Variants in GRIN2B observed in about 807,000 individuals in gnomAD.
The protein encoded by GRIN2B is glutamate receptor ionotropic, NMDA 2B.
A neutral mutation model predicts 114.5 loss-of-function variants in GRIN2B; 5 were observed. The ratio of observed to expected loss-of-function variants is 0.04; its 90% confidence interval spans 0.02 to 0.09. The LOEUF (loss-of-function observed/expected upper bound fraction) is 0.09. Among genes scored for constraint, GRIN2B ranks in the 10% least tolerant of loss-of-function variants. GRIN2B has a pLI of 1.00. For missense variants in GRIN2B, 1,108 were observed against 1,943.5 expected, an observed-to-expected ratio of 0.57 and a Z score of 8.08; for synonymous variants, 787 against 745.1, an observed-to-expected ratio of 1.06 and a Z score of -0.92.
At chr12:13,973,006 T>C (rs1381695647) in intron 2 of GRIN2B, among the ~76,000 whole-genome samples, 1 of 152,194 alleles carries the variant, frequency 6.6e-6, no homozygotes, top group East Asian at 1.9e-4. Flanking sequence ...CTATGGCATC[T>C]GTGTGACCAG....
intron 10 of GRIN2B, among the ~76,000 whole-genome samples, chr12:13,594,497 G>A (rs947131254): frequency 6.6e-6 from 1 of 151,682 alleles, no homozygotes; most frequent in African/African-American, 2.4e-5. Flanking sequence ...ACACAGGGAG[G>A]GGAACATCAC....
At chr12:13,760,295 G>A (rs1048914584) in intron 3 of GRIN2B, among the ~76,000 whole-genome samples, 2 of 152,176 alleles carry the variant, frequency 1.3e-5, no homozygotes, top group African/African-American at 4.8e-5. Context: ...TGGAATTGAG[G>A]TCTGGCCCAT....
chr12:13,926,677 G>A (rs1031873308), intron 2 of GRIN2B, among the ~76,000 whole-genome samples: 1 of 152,178 alleles, frequency 6.6e-6, no homozygotes, highest in Admixed American at 6.5e-5. Context: ...TTTGTGGCCG[G>A]GTGTGGTGGC....
At chr12:13,694,696 TATATATAA>T (rs1950245392) in intron 4 of GRIN2B, among the ~76,000 whole-genome samples, 1 of 117,076 alleles carries the variant, frequency 8.5e-6, no homozygotes, top group East Asian at 2.5e-4. Context: ...TATATATATA[TATATATAA>T]ATTAATTAAT....
At chr12:13,653,739 G>A (rs1949839226) in intron 5 of GRIN2B, among the ~76,000 whole-genome samples, 1 of 152,048 alleles carries the variant, frequency 6.6e-6, no homozygotes, top group South Asian at 2.1e-4. Context: ...TAACTCAGTA[G>A]GCGACTTTCA....
At chr12:13,867,875 T>C (rs1303676653) in intron 2 of GRIN2B, among the ~76,000 whole-genome samples, 1 of 149,216 alleles carries the variant, frequency 6.7e-6, no homozygotes, top group Non-Finnish European at 1.5e-5. Context: ...AAATGCTGCT[T>C]CAGATCTCCT....
At chr12:13,877,122 T>C (rs1240738326) in intron 2 of GRIN2B, among the ~76,000 whole-genome samples, 1 of 152,242 alleles carries the variant, frequency 6.6e-6, no homozygotes, top group Non-Finnish European at 1.5e-5. Context: ...TGTAAATCAA[T>C]GTTTATATGA....
Position 13,807,926 on chromosome 12 carries a change from A to G in GRIN2B, c.412-54011T>C, listed in dbSNP as rs577262959. Among the ~76,000 whole-genome samples, 13 of 152,216 alleles carry G rather than the reference A, an allele frequency of 8.5e-5. No individual in the cohort carries two copies. In the East Asian group the frequency reaches 2.3e-3, roughly 27 times the overall value. On this transcript the variant is annotated intron_variant, in intron 3 of 13. Coordinates refer to ENST00000609686, the MANE Select transcript of GRIN2B (RefSeq NM_000834.5). ...GGGAAGTTTAAGCAGCAGTAGAAAG[A>G]TAATCCATAATCTGTTATGCTTTTA...
At chr12:13,731,507 A>G (rs976667143) in intron 4 of GRIN2B, among the ~76,000 whole-genome samples, 17 of 152,158 alleles carry the variant, frequency 1.1e-4, no homozygotes, top group Admixed American at 6.6e-4. Flanking sequence ...AGGCTGAGGC[A>G]GGAGAATGGC....
intron 2 of GRIN2B, among the ~76,000 whole-genome samples, chr12:13,909,128 C>T (rs927176795): frequency 2.0e-5 from 3 of 152,182 alleles, no homozygotes; most frequent in Admixed American, 6.5e-5. Context: ...CAATGATCCT[C>T]GGACAGCACA....
intron 2 of GRIN2B, among the ~76,000 whole-genome samples, chr12:13,935,605 C>T (rs950109483): frequency 3.9e-5 from 6 of 152,094 alleles, no homozygotes; most frequent in Admixed American, 2.0e-4. Context: ...TCTGTTTCCT[C>T]GCTTATAAAA....
intron 4 of GRIN2B, among the ~76,000 whole-genome samples, chr12:13,700,757 C>T (rs958993716): frequency 7.9e-5 from 12 of 152,162 alleles, no homozygotes; most frequent in Non-Finnish European, 1.8e-4. Flanking sequence ...CCTTCCTAAA[C>T]TGTGAAATTG....
At position 13,573,512 on chromosome 12, in the gene GRIN2B, T is replaced by C. The variant is rs147284184; in HGVS notation, c.2011-1548A>G. On this transcript the variant is annotated intron_variant, in intron 10 of 13. Transcript: ENST00000609686. ...TAGGTGCCCAATAAATGTTCTCTTA[T>C]ATTATTTTTAATTTGTGTCTCTATT... Among the ~76,000 whole-genome samples, 12 of 135,820 alleles carry C rather than the reference T, an allele frequency of 8.8e-5. No homozygotes were observed. The East Asian group carries it at 2.1e-3, about 24-fold the overall frequency. 89.1% of individuals were successfully genotyped at this position (135,820 alleles called of 152,430 possible). A position where few individuals can be genotyped will look rare whatever the true frequency, so the allele number is the denominator to read the frequency against.
rs906830492 is a variant in GRIN2B, at chr12:13,635,583, G to A, written c.1126-18926C>T. Among the ~76,000 whole-genome samples the A allele has an allele frequency of 5.9e-5, 9 of 152,282 alleles. No homozygotes were observed. In the South Asian group the frequency reaches 1.0e-3, roughly 18 times the overall value. ...GCAGTCTCTGTTGGAAATAGCAGACGTAAGTAGCAATCAAAAGGTAGAGTA... is the reference window on the plus strand; with the variant it reads ...GCAGTCTCTGTTGGAAATAGCAGACATAAGTAGCAATCAAAAGGTAGAGTA... On this transcript the variant is annotated intron_variant, in intron 5 of 13. Coordinates refer to ENST00000609686, the MANE Select transcript of GRIN2B (RefSeq NM_000834.5).
chr12:13,565,670 AG>A (rs1420238061), intron 13 of GRIN2B, among the ~76,000 whole-genome samples: 1 of 152,182 alleles, frequency 6.6e-6, no homozygotes, highest in Non-Finnish European at 1.5e-5. Flanking sequence ...GCATATGAAA[AG>A]AGGTTGTTTG....
intron 3 of GRIN2B, among the ~76,000 whole-genome samples, chr12:13,856,359 C>A (rs537157268): frequency 6.6e-6 from 1 of 152,016 alleles, no homozygotes; most frequent in African/African-American, 2.4e-5. Context: ...GAAGCCAGGG[C>A]GGTTTTAAGC....
chr12:13,855,816 G>A (rs553683659), intron 3 of GRIN2B, among the ~76,000 whole-genome samples: 1 of 152,294 alleles, frequency 6.6e-6, no homozygotes, highest in South Asian at 2.1e-4. Flanking sequence ...TTAAGACATG[G>A]ACCTATCTTT....
intron 4 of GRIN2B, among the ~76,000 whole-genome samples, chr12:13,714,638 G>A (rs1274987273): frequency 1.3e-5 from 2 of 151,786 alleles, no homozygotes; most frequent in Admixed American, 1.3e-4. Flanking sequence ...GGGGAACGCT[G>A]GTTGGTTACC....
intron 4 of GRIN2B, among the ~76,000 whole-genome samples, chr12:13,710,822 A>G (rs917291996): frequency 7.9e-5 from 12 of 152,160 alleles, no homozygotes; most frequent in African/African-American, 2.7e-4. Context: ...TATAGATTCA[A>G]TGCCATCCCC....
Sources: allele counts gnomAD v4.1 joint callset (sites outside exome capture counted in the v4.1 genomes callset), GRCh38; gene constraint gnomAD v4.1.1; transcripts MANE v1.5; gene names NCBI Gene and HGNC (gene_info 2026-07-23, HGNC 2026-07-21).